The following DHX30 variants were observed in gnomAD, a reference collection of about 807,000 sequenced individuals.
DHX30 encodes the protein DExH-box helicase 30, also known as ATP-dependent RNA helicase DHX30.
Under a neutral mutation model 116.9 loss-of-function variants are expected in DHX30, and 4 were observed. The observed-to-expected ratio is 0.03, with a 90% CI of 0.02 to 0.08. The LOEUF (loss-of-function observed/expected upper bound fraction) is 0.08. Ranked by LOEUF, DHX30 falls within the 10% of genes least tolerant of loss-of-function variation. The pLI is 1.00. For synonymous variants in DHX30, 697 were observed against 651.7 expected, an observed-to-expected ratio of 1.07 and a Z score of -1.06; for missense variants, 871 against 1,595.1, an observed-to-expected ratio of 0.55 and a Z score of 7.73.
chr3:47,847,206 T>G lies in DHX30; in HGVS notation c.1930-67T>G. ...AGCGGCTCCGTCTCACTGAGTCAGG[T>G]GGCTGTGTCCTTGGCATGACCCCTT... On this transcript the variant is annotated intron_variant, in intron 11 of 21. Transcript: ENST00000445061. This position sits in a 1 kb window ranked among gnomAD's most constrained non-coding sequence, Gnocchi z 5.5. The G allele has an allele frequency of 6.3e-7, 1 of 1,596,626 alleles. No homozygotes were observed. Among genetic ancestry groups the G allele is most frequent in the Non-Finnish European group, 8.6e-7 (1 of 1,164,556 alleles).
intron 6 of DHX30, among the ~76,000 whole-genome samples, chr3:47,835,073 G>A (rs1189145555): frequency 6.6e-6 from 1 of 151,496 alleles, no homozygotes; most frequent in African/African-American, 2.4e-5. Flanking sequence ...GCGCGATCTC[G>A]GCTTACTGCA....
chr3:47,839,383 C>G lies in DHX30; in HGVS notation c.367-1494C>G, dbSNP rs139865409. 7.8e-4 allele frequency among the ~76,000 whole-genome samples: 117 copies of G among 150,656 alleles called. 3 individuals are homozygous for G. The East Asian group carries it at 0.02, about 26-fold the overall frequency. On this transcript the variant is annotated intron_variant, in intron 6 of 21. Transcript: ENST00000445061. ...GATCTCAGCTCACCGCAACCTCTGCCTCCCAGGTTCAAGTGATTCTCCTGC... is the reference window on the plus strand; with the variant it reads ...GATCTCAGCTCACCGCAACCTCTGCGTCCCAGGTTCAAGTGATTCTCCTGC...
chr3:47,824,494 G>A (rs1352315810), intron 4 of DHX30, among the ~76,000 whole-genome samples: 1 of 152,014 alleles, frequency 6.6e-6, no homozygotes, highest in Non-Finnish European at 1.5e-5. Context: ...GTTTCACTAT[G>A]CTGCCCAGAC....
intron 10 of DHX30, 92 bp from the exon 11 acceptor site, chr3:47,846,073 A>G (rs2037592045): frequency 1.4e-6 from 2 of 1,462,976 alleles, no homozygotes; most frequent in Non-Finnish European, 1.9e-6. Flanking sequence ...TTGGGCCACA[A>G]CATCTGACCC....
chr3:47,819,087 A>C (rs2036181545), intron 4 of DHX30: 1 of 571,254 alleles, frequency 1.8e-6, no homozygotes, highest in Non-Finnish European at 2.9e-6. Flanking sequence ...TGCGGCCCTG[A>C]CTACTGACAG....
At chr3:47,821,652 G>A (rs1285684266) in intron 4 of DHX30, among the ~76,000 whole-genome samples, 2 of 152,094 alleles carry the variant, frequency 1.3e-5, no homozygotes, top group Admixed American at 6.6e-5. Context: ...AGGCTGGAGT[G>A]CAATGGCGCA....
chr3:47,813,729 C>T (rs1009846736), intron 3 of DHX30, among the ~76,000 whole-genome samples: 2 of 152,154 alleles, frequency 1.3e-5, no homozygotes, highest in African/African-American at 4.8e-5. Flanking sequence ...GCCTGGGAAA[C>T]CCCTGGCCAA....
intron 5 of DHX30, among the ~76,000 whole-genome samples, chr3:47,828,625 G>C (rs925031569): frequency 9.2e-5 from 14 of 152,074 alleles, no homozygotes; most frequent in Admixed American, 1.3e-4. Flanking sequence ...CAAAAAATTA[G>C]CTGGGCGTGG....
chr3:47,821,631 C>T (rs1339545895), intron 4 of DHX30, among the ~76,000 whole-genome samples: 1 of 151,090 alleles, frequency 6.6e-6, no homozygotes, highest in African/African-American at 2.4e-5. Context: ...TGGAGTCTCA[C>T]TCTGTTGTCC....
chr3:47,841,573 C>G lies in DHX30; in HGVS notation c.669-44C>G, dbSNP rs71328951. The G allele has an allele frequency of 6.6e-3, 10,579 of 1,613,240 alleles. 82 individuals carry two copies. The highest frequency in any genetic ancestry group is 0.015 in the South Asian group (1,334 of 90,966). ...ATCGCAGAGCCTCAGGGAAATTGGT[C>G]CAGGAAGAGAGAATTCTTTCAGTTA... On this transcript the variant is annotated intron_variant, in intron 7 of 21. Transcript: ENST00000445061.
rs1184846795 is a variant in DHX30 at position 47,848,842 on chromosome 3, C to T, written c.2769+25C>T. On this transcript the variant is annotated intron_variant, in intron 17 of 21. Coordinates refer to ENST00000445061, the MANE Select transcript of DHX30 (RefSeq NM_138615.3). This position sits in a 1 kb window ranked among gnomAD's most constrained non-coding sequence, Gnocchi z 9.4. Reference sequence around the variant, plus strand: ...GGTCAGTCCTGGCTCCTTCCTGGAGCCGTCCACCCACTGCTGTTCTGAGGG... The same window carrying T: ...GGTCAGTCCTGGCTCCTTCCTGGAGTCGTCCACCCACTGCTGTTCTGAGGG... 2.5e-6 allele frequency: 4 copies of T among 1,601,904 alleles called. No homozygotes were observed. In the African/African-American group the frequency reaches 5.4e-5, roughly 21 times the overall value.
In DHX30 at chr3:47,843,086, C is replaced by T. The variant is rs114003408; in HGVS notation, c.790-20C>T. 857 of 1,612,934 alleles carry T rather than the reference C, an allele frequency of 5.3e-4. 3 individuals carry two copies. In the African/African-American group the frequency reaches 8.6e-3, roughly 16 times the overall value. On this transcript the variant is annotated intron_variant, in intron 8 of 21. Transcript: ENST00000445061. ...CCATTCCCTACATTTCTGTAACCAT[C>T]TCTCTTGCCTTCCATGTAGAACCTC...
intron 6 of DHX30, among the ~76,000 whole-genome samples, chr3:47,837,476 C>T (rs1208157760): frequency 2.6e-5 from 4 of 152,080 alleles, no homozygotes; most frequent in South Asian, 2.1e-4. Context: ...GTTTCTTCAA[C>T]GGTATTAGAG....
intron 1 of DHX30, 129 bp downstream of exon 1, chr3:47,803,341 C>A (rs2035371873): frequency 1.1e-5 from 4 of 376,984 alleles, no homozygotes; most frequent in Non-Finnish European, 1.9e-5. Flanking sequence ...GAGACGCCGG[C>A]GGGCCCGAGG....
At chr3:47,819,080 G>A (rs1278307322) in intron 4 of DHX30, 9 of 517,570 alleles carry the variant, frequency 1.7e-5, no homozygotes, top group Admixed American at 1.3e-4. Context: ...CTGCTGCTGC[G>A]GCCCTGACTA....
Position 47,848,870 on chromosome 3 carries a change from C to A in DHX30, c.2770-50C>A. On this transcript the variant is annotated intron_variant, in intron 17 of 21. Transcript: ENST00000445061. This position sits in a 1 kb window ranked among gnomAD's most constrained non-coding sequence, Gnocchi z 9.4. ...TCCACCCACTGCTGTTCTGAGGGGGCGTTGTCTAGCCCCTGCCTGTGATCC... is the reference window on the plus strand; with the variant it reads ...TCCACCCACTGCTGTTCTGAGGGGGAGTTGTCTAGCCCCTGCCTGTGATCC... 1 of 1,597,048 alleles carries A rather than the reference C, an allele frequency of 6.3e-7. No individual in the cohort carries two copies. The highest frequency in any genetic ancestry group is 8.6e-7 in the Non-Finnish European group (1 of 1,167,358).
rs1187623930 is a variant in DHX30, at chr3:47,846,971, C to G, written c.1899C>G (p.His633Gln). 6.2e-7 allele frequency: 1 copy of G among 1,613,118 alleles called. No homozygotes were observed. Among genetic ancestry groups the G allele is most frequent in the East Asian group, 2.2e-5 (1 of 44,874 alleles). Residue 633 changes from histidine to glutamine, a missense_variant, in exon 11 of 22, where the codon CAC becomes CAG. Physicochemically the swap from His to Gln is conservative, Grantham distance 24. This residue lies in a region of DHX30 where 61 missense variants were observed against 106.7 expected (regional missense o/e 0.57). Transcript: ENST00000445061. ...ACATCCTGGCCAAGTTGGGCAAGCA[C>G]CAGTACCTGCACCGGCACCGGCACC... ...LEDILAKLGK[H>Q]QYLHRHRHHE...
At chr3:47,816,923 A>G (rs1049773332) in intron 3 of DHX30, 2 of 985,152 alleles carry the variant, frequency 2.0e-6, no homozygotes, top group African/African-American at 3.5e-5. Flanking sequence ...TTAATAAAAA[A>G]AAAAATAGCT....
At position 47,845,827 on chromosome 3, in the gene DHX30, G is replaced by T; in HGVS notation, c.1067G>T (p.Arg356Leu). 6.2e-7 allele frequency: 1 copy of T among 1,608,792 alleles called. No individual in the cohort carries two copies. Among genetic ancestry groups the T allele is most frequent in the Non-Finnish European group, 8.5e-7 (1 of 1,175,818 alleles). The change falls in exon 10 of 22, where the codon CGC becomes CTC. Residue 356 changes from arginine to leucine, a missense_variant. Physicochemically the swap from Arg to Leu is moderately radical, Grantham distance 102 (BLOSUM62 -2). This residue lies in a region of DHX30 where 175 missense variants were observed against 292.9 expected (regional missense o/e 0.60). Coordinates refer to ENST00000445061, the MANE Select transcript of DHX30 (RefSeq NM_138615.3). ...ATCCAGGTGCCCGAGCCCATCCTCC[G>T]CAAGATAGAGACCTTCCTGAACCAT... ...CTIQVPEPIL[R>L]KIETFLNHYP...
Sources: gnomAD v4.1 joint callset for allele counts (sites outside exome capture counted in the v4.1 genomes callset) on GRCh38, gnomAD v4.1.1 for gene constraint, gnomAD v4.1.1 regional missense constraint, Gnocchi (gnomAD v3.1) non-coding constraint, MANE v1.5 for transcripts, NCBI Gene and HGNC (gene_info 2026-07-23, HGNC 2026-07-21) for gene names.